The following LIPI variants were observed in gnomAD, a reference collection of about 807,000 sequenced individuals.
LIPI encodes the protein lipase member I.
A neutral mutation model predicts 50.6 loss-of-function variants in LIPI; 59 were observed. The observed-to-expected ratio is 1.16, with a 90% CI of 0.94 to 1.45. The LOEUF is 1.45. LIPI is among the 40% of genes most tolerant of loss of function. LIPI has a pLI of 0.00. For synonymous variants in LIPI, 203 were observed against 178.2 expected, an observed-to-expected ratio of 1.14 and a Z score of -1.11; for missense variants, 586 against 536.3, an observed-to-expected ratio of 1.09 and a Z score of -0.92.
At chr21:14,161,719 T>C (rs1261726797) in intron 7 of LIPI, among the ~76,000 whole-genome samples, 3 of 90,990 alleles carry the variant, frequency 3.3e-5, no homozygotes, top group African/African-American at 1.5e-4. Context: ...TATATATTAA[T>C]ATATAATATA....
intron 8 of LIPI, among the ~76,000 whole-genome samples, chr21:14,148,513 CT>C (rs2017981961): frequency 1.3e-5 from 2 of 152,046 alleles, no homozygotes; most frequent in African/African-American, 2.4e-5. Flanking sequence ...TTCACTGTAC[CT>C]TTTTCTATGC....
intron 9 of LIPI, among the ~76,000 whole-genome samples, chr21:14,142,162 G>A (rs1050315252): frequency 3.3e-5 from 5 of 151,930 alleles, no homozygotes; most frequent in Non-Finnish European, 5.9e-5. Context: ...AATAACAGTC[G>A]GGGGTTGGGG....
At chr21:14,186,685 G>A (rs200352932) in intron 2 of LIPI, among the ~76,000 whole-genome samples, 1 of 152,160 alleles carries the variant, frequency 6.6e-6, no homozygotes, top group Admixed American at 6.5e-5. Flanking sequence ...ATATTTGGAG[G>A]TGAGGCCTTC....
chr21:14,128,678 G>C (rs2017165653), intron 9 of LIPI, among the ~76,000 whole-genome samples: 1 of 138,100 alleles, frequency 7.2e-6, no homozygotes, highest in Non-Finnish European at 1.6e-5. Flanking sequence ...TATATCTTAA[G>C]TGTGTCATCC....
At chr21:14,160,617 G>A (rs746688484) in intron 7 of LIPI, among the ~76,000 whole-genome samples, 15 of 151,262 alleles carry the variant, frequency 9.9e-5, no homozygotes, top group Admixed American at 6.6e-5. Context: ...CACCTAAAGC[G>A]TGATACATAC....
chr21:14,180,490 G>A (rs966040683), intron 4 of LIPI, among the ~76,000 whole-genome samples: 9 of 152,250 alleles, frequency 5.9e-5, no homozygotes, highest in South Asian at 4.2e-4. Flanking sequence ...TCAGCTGGCC[G>A]ACACTTATGG....
chr21:14,198,146 T>C (rs1365565957), intron 1 of LIPI, among the ~76,000 whole-genome samples: 2 of 152,068 alleles, frequency 1.3e-5, no homozygotes, highest in African/African-American at 4.8e-5. Context: ...GGAAAGATCT[T>C]TACCAGCCAT....
chr21:14,111,490 A>G (rs1600818410), intron 9 of LIPI, among the ~76,000 whole-genome samples: 2 of 151,804 alleles, frequency 1.3e-5, no homozygotes, highest in Non-Finnish European at 1.5e-5. Context: ...TTGGAGATTC[A>G]CCCCTTATCA....
intron 9 of LIPI, among the ~76,000 whole-genome samples, chr21:14,109,741 C>T (rs2016328895): frequency 6.6e-6 from 1 of 151,790 alleles, no homozygotes; most frequent in South Asian, 2.1e-4. Context: ...TGCAAATATC[C>T]TATATTTTAC....
At chr21:14,152,526 A>C (rs1345742201) in intron 8 of LIPI, 47 bp downstream of exon 8, 10 of 930,308 alleles carry the variant, frequency 1.1e-5, no homozygotes, top group Admixed American at 1.9e-5. Flanking sequence ...TACTGAAGAA[A>C]GCAAACATTG....
chr21:14,180,155 G>T (rs1298373261), intron 4 of LIPI, among the ~76,000 whole-genome samples: 1 of 152,026 alleles, frequency 6.6e-6, no homozygotes. Context: ...GGCTTCCTAG[G>T]GTGGGGAAAA....
intron 1 of LIPI, among the ~76,000 whole-genome samples, chr21:14,195,816 ATGG>A (rs2019824433): frequency 6.6e-6 from 1 of 152,176 alleles, no homozygotes; most frequent in African/African-American, 2.4e-5. Context: ...TTTACAAAAG[ATGG>A]CATAATGTCT....
intron 1 of LIPI, among the ~76,000 whole-genome samples, chr21:14,201,679 C>T (rs151043987): frequency 0.14 from 21,162 of 152,028 alleles, 1,943 homozygotes; most frequent in South Asian, 0.21. Flanking sequence ...ATTGATGGGA[C>T]GTATCTCAAA....
At chr21:14,166,022 G>T (rs575513755) in intron 5 of LIPI, among the ~76,000 whole-genome samples, 1 of 152,268 alleles carries the variant, frequency 6.6e-6, no homozygotes, top group East Asian at 1.9e-4. Flanking sequence ...TATGGTGATG[G>T]TTAAGATTAA....
rs1600903584 is a variant in LIPI, at chr21:14,177,884, A to G, written c.643+3874T>C. On this transcript the variant is annotated intron_variant, in intron 4 of 9. Coordinates refer to ENST00000681601, the MANE Select transcript of LIPI (RefSeq NM_001302998.2). The stretch of plus-strand genomic sequence containing the variant: ...CCACCTGAAGAATACATTTCTGCTC[A>G]TGAATGTCTGAAGGGTAACCTTTCT... 1.3e-5 allele frequency among the ~76,000 whole-genome samples: 2 copies of G among 152,098 alleles called. 1 individual carries two copies. The highest frequency in any genetic ancestry group is 4.1e-4 in the South Asian group (2 of 4,836).
chr21:14,113,315 A>G (rs2016489418), intron 9 of LIPI, among the ~76,000 whole-genome samples: 1 of 152,222 alleles, frequency 6.6e-6, no homozygotes, highest in Non-Finnish European at 1.5e-5. Flanking sequence ...ATGCATTAAA[A>G]CAGTTATTAT....
chr21:14,123,141 A>T (rs577794541), intron 9 of LIPI, among the ~76,000 whole-genome samples: 23 of 152,364 alleles, frequency 1.5e-4, no homozygotes, highest in African/African-American at 5.5e-4. Flanking sequence ...TGTATATCCA[A>T]GTGTCTGTCT....
intron 7 of LIPI, among the ~76,000 whole-genome samples, chr21:14,161,041 C>T (rs917112437): frequency 6.7e-6 from 1 of 150,356 alleles, no homozygotes; most frequent in Non-Finnish European, 1.5e-5. Context: ...TAAAGTGGTA[C>T]AGTCACTCCA....
intron 4 of LIPI, among the ~76,000 whole-genome samples, chr21:14,178,656 A>T (rs1263144717): frequency 6.6e-6 from 1 of 152,180 alleles, no homozygotes; most frequent in Non-Finnish European, 1.5e-5. Context: ...CACCAACTTA[A>T]TAATAAGCAC....
Sources: allele counts gnomAD v4.1 joint callset (sites outside exome capture counted in the v4.1 genomes callset), GRCh38; gene constraint gnomAD v4.1.1; transcripts MANE v1.5; gene names NCBI Gene and HGNC (gene_info 2026-07-23, HGNC 2026-07-21).